Variants in RUFY1 observed in about 807,000 individuals in gnomAD.
RUFY1 encodes RUN and FYVE domain containing 1, also known as RUN and FYVE domain-containing protein 1.
Under a neutral mutation model 94.6 loss-of-function variants are expected in RUFY1, and 54 were observed. The ratio of observed to expected loss-of-function variants is 0.57; its 90% CI spans 0.46 to 0.72. The LOEUF (loss-of-function observed/expected upper bound fraction) is 0.72. Among genes scored for constraint, RUFY1 ranks in the 30% least tolerant of loss-of-function variants. RUFY1 has a pLI of 0.00. For missense variants in RUFY1, 883 were observed against 883.9 expected (o/e 1.00, Z 0.01); for synonymous variants, 396 against 347.3 (o/e 1.14, Z -1.56).
At chr5:179,590,458 G>GA (rs1486996835) in intron 9 of RUFY1, among the ~76,000 whole-genome samples, 1 of 151,888 alleles carries the variant, frequency 6.6e-6, no homozygotes, top group Non-Finnish European at 1.5e-5. Flanking sequence ...TTTTTCCTGC[G>GA]AATGGAGTCT....
chr5:179,567,960 A>C (rs140902859), intron 4 of RUFY1, among the ~76,000 whole-genome samples: 286 of 152,122 alleles, frequency 1.9e-3, no homozygotes, highest in African/African-American at 6.7e-3. Context: ...AAATAAGTGT[A>C]TCAGCCAGGT....
In RUFY1 at chr5:179,591,682, C is replaced by T; in HGVS notation, c.1186C>T (p.Leu396=). The change falls in exon 10 of 18, where the codon CTG becomes TTG. Residue 396 remains leucine, a synonymous_variant. Transcript: ENST00000319449. ...LETYKQTRQG[L]DEMYSDVWKQ... ...GACTTACAAGCAAACTCGGCAAGGTCTGGATGAAATGTACAGTGATGTGTG... is the reference window on the plus strand; with the variant it reads ...GACTTACAAGCAAACTCGGCAAGGTTTGGATGAAATGTACAGTGATGTGTG... 6.2e-7 allele frequency: 1 copy of T among 1,613,454 alleles called. No individual in the cohort carries two copies. The highest frequency in any genetic ancestry group is 8.5e-7 in the Non-Finnish European group (1 of 1,179,830).
chr5:179,577,079 G>C lies in RUFY1; in HGVS notation c.833G>C (p.Gly278Ala). ...LKGEDLDSQV[G>A]VIDFSLYLKD... ...TGTGCATTTTATTTCGTTTAGGTTGGAGTAATAGATTTTTCCCTCTACCTT... is the reference window on the plus strand; with the variant it reads ...TGTGCATTTTATTTCGTTTAGGTTGCAGTAATAGATTTTTCCCTCTACCTT... Residue 278 changes from glycine to alanine, a missense_variant, in exon 6 of 18, where the codon GGA (glycine) becomes GCA (alanine). Gly to Ala is a moderately conservative substitution (Grantham distance 60). Coordinates refer to ENST00000319449, the MANE Select transcript of RUFY1 (RefSeq NM_025158.5). 6.3e-7 allele frequency: 1 copy of C among 1,584,424 alleles called. No individual in the cohort carries two copies. Among genetic ancestry groups the C allele is most frequent in the Non-Finnish European group, 8.6e-7 (1 of 1,158,068 alleles).
rs776125298 is a variant in RUFY1 at position 179,581,061 on chromosome 5, G to T, written c.956+49G>T. On this transcript the variant is annotated intron_variant, in intron 7 of 17. Transcript: ENST00000319449. ...GTGACAGTTACATACTCGGTATCCT[G>T]TCATTGCTTCATGGAACTTCGAGTT... The T allele has an allele frequency of 3.4e-6, 4 of 1,172,154 alleles. No individual in the cohort carries two copies. The African/African-American group carries it at 6.2e-5, about 18-fold the overall frequency. The allele number at this position is 1,172,154 out of a possible 1,614,324, so 72.6% of individuals were successfully genotyped here.
At chr5:179,563,082 C>A (rs1762565989) in intron 3 of RUFY1, among the ~76,000 whole-genome samples, 1 of 152,086 alleles carries the variant, frequency 6.6e-6, no homozygotes, top group Non-Finnish European at 1.5e-5. Flanking sequence ...TGGATTTGTC[C>A]TTGGGATCGC....
chr5:179,592,985 G>C (rs1276238465), intron 10 of RUFY1, among the ~76,000 whole-genome samples: 1 of 152,162 alleles, frequency 6.6e-6, no homozygotes, highest in African/African-American at 2.4e-5. Context: ...CTTTAACCGT[G>C]CAGTGAGGAA....
intron 1 of RUFY1, among the ~76,000 whole-genome samples, chr5:179,557,459 ATTTCACTTCTTAT>A (rs944365967): frequency 2.6e-5 from 4 of 152,138 alleles, no homozygotes; most frequent in African/African-American, 9.7e-5. Context: ...TCAAGGGATA[ATTTCACTTCTTAT>A]TCTTTCACTT....
rs1432724212 is a variant in RUFY1, at chr5:179,591,693, G to A, written c.1197G>A (p.Met399Ile). The change falls in exon 10 of 18, where the codon ATG becomes ATA. Residue 399 changes from methionine to isoleucine, a missense_variant. Coordinates refer to ENST00000319449, the MANE Select transcript of RUFY1 (RefSeq NM_025158.5). ...YKQTRQGLDE[M>I]YSDVWKQLKE... ...AAACTCGGCAAGGTCTGGATGAAAT[G>A]TACAGTGATGTGTGGAAGCAGCTAA... is the stretch of plus-strand genomic sequence containing the variant. 1 of 1,613,000 alleles carries A rather than the reference G, an allele frequency of 6.2e-7. No individual in the cohort carries two copies. Among genetic ancestry groups the A allele is most frequent in the Admixed American group, 1.7e-5 (1 of 59,626 alleles).
intron 5 of RUFY1, among the ~76,000 whole-genome samples, chr5:179,576,372 G>A (rs1219120233): frequency 1.3e-5 from 2 of 152,116 alleles, no homozygotes; most frequent in Non-Finnish European, 1.5e-5. Flanking sequence ...CAAGATTTGG[G>A]GGAAGAAGGA....
At chr5:179,553,174 C>T (rs918550534) in intron 1 of RUFY1, among the ~76,000 whole-genome samples, 1 of 152,260 alleles carries the variant, frequency 6.6e-6, no homozygotes, top group African/African-American at 2.4e-5. Context: ...CCCACTCTTG[C>T]CCAGGCAGCG....
chr5:179,569,193 A>G (rs1353727285), intron 4 of RUFY1, 109 bp from the exon 5 acceptor site: 3 of 1,584,328 alleles, frequency 1.9e-6, no homozygotes, highest in Non-Finnish European at 2.6e-6. Context: ...AATCCACAGC[A>G]GTATCTTCTG....
chr5:179,557,668 TC>T (rs1467487643), intron 1 of RUFY1, among the ~76,000 whole-genome samples: 7 of 152,162 alleles, frequency 4.6e-5, no homozygotes, highest in African/African-American at 1.7e-4. Context: ...AAAATGGCCA[TC>T]AAGCTAATGG....
chr5:179,562,883 T>C (rs1355771341), intron 3 of RUFY1: 9 of 452,550 alleles, frequency 2.0e-5, no homozygotes, highest in Non-Finnish European at 2.0e-5. Context: ...GCCAAATAGG[T>C]TGAAAAGGTG....
At chr5:179,566,350 A>C (rs930089064) in intron 3 of RUFY1, among the ~76,000 whole-genome samples, 1 of 152,116 alleles carries the variant, frequency 6.6e-6, no homozygotes, top group African/African-American at 2.4e-5. Flanking sequence ...CAGGCCTGTA[A>C]TCCCAGCACT....
At chr5:179,564,322 A>G (rs550227379) in intron 3 of RUFY1, among the ~76,000 whole-genome samples, 1 of 148,644 alleles carries the variant, frequency 6.7e-6, no homozygotes. Context: ...GTTTCACCAC[A>G]TTGGCCAGGC....
chr5:179,608,247 TTC>T, intron 17 of RUFY1: 3 of 983,584 alleles, frequency 3.1e-6, no homozygotes, highest in Non-Finnish European at 3.6e-6. Flanking sequence ...CCACCCACCT[TTC>T]TGCCACAGCC....
chr5:179,596,218 T>C lies in RUFY1; in HGVS notation c.1512-344T>C, dbSNP rs1052159747. 5 of 354,914 alleles carry C rather than the reference T, an allele frequency of 1.4e-5. No individual in the cohort carries two copies. The East Asian group carries it at 3.2e-4, about 23-fold the overall frequency. 22.0% of individuals were successfully genotyped at this position (354,914 alleles called of 1,614,324 possible). On this transcript the variant is annotated intron_variant, in intron 12 of 17. Coordinates refer to ENST00000319449, the MANE Select transcript of RUFY1 (RefSeq NM_025158.5). ...GAGAGGAAACAAAAGGCATGAACCA[T>C]TGATACACATGGAAACTTGGATTGA...
chr5:179,577,250 C>T, intron 6 of RUFY1, 114 bp downstream of exon 6: 6 of 623,832 alleles, frequency 9.6e-6, no homozygotes, highest in Non-Finnish European at 1.6e-5. Flanking sequence ...TGGCTCACTG[C>T]AACCTCCGCC....
chr5:179,578,380 A>T (rs1581476132), intron 6 of RUFY1, among the ~76,000 whole-genome samples: 1 of 146,710 alleles, frequency 6.8e-6, no homozygotes, highest in Non-Finnish European at 1.5e-5. Flanking sequence ...TGCCTGGCTA[A>T]TTTTTTTTTT....
Sources: gnomAD v4.1 joint callset for allele counts (sites outside exome capture counted in the v4.1 genomes callset) on GRCh38, gnomAD v4.1.1 for gene constraint, MANE v1.5 for transcripts, NCBI Gene and HGNC (gene_info 2026-07-23, HGNC 2026-07-21) for gene names.